Variants in MRPL1 observed in about 807,000 individuals in gnomAD.
MRPL1 encodes mitochondrial ribosomal protein L1.
Under a neutral mutation model 38.0 loss-of-function variants are expected in MRPL1, and 28 were observed. That is an observed-to-expected ratio of 0.74 (90% CI 0.55 to 1.01). The LOEUF (loss-of-function observed/expected upper bound fraction) is 1.01. Ranked by LOEUF, MRPL1 falls within the 50% of genes least tolerant of loss-of-function variation. The pLI is 0.00. For missense variants in MRPL1, 358 were observed against 389.8 expected (o/e 0.92, Z 0.69); for synonymous variants, 123 against 126.7 (o/e 0.97, Z 0.20).
chr4:77,915,868 A>G (rs1736413176), intron 7 of MRPL1, among the ~76,000 whole-genome samples: 2 of 152,328 alleles, frequency 1.3e-5, no homozygotes, highest in South Asian at 4.1e-4. Context: ...AGTTATTGGA[A>G]TATGTTATTT....
intron 3 of MRPL1, among the ~76,000 whole-genome samples, 176 bp downstream of exon 3, chr4:77,883,676 C>T (rs1735604172): frequency 6.6e-6 from 1 of 152,046 alleles, no homozygotes; most frequent in African/African-American, 2.4e-5. Context: ...CTCCCGGGCT[C>T]AGGTGATCCT....
At chr4:77,942,879 T>C (rs1390286249) in intron 7 of MRPL1, among the ~76,000 whole-genome samples, 1 of 152,196 alleles carries the variant, frequency 6.6e-6, no homozygotes, top group African/African-American at 2.4e-5. Flanking sequence ...ACATTCAACA[T>C]TAGTATTGAG....
rs143318705 is a variant in MRPL1, at chr4:77,914,664, G to C, written c.777+5292G>C. ...GCAATTTAATGAGGTTTCCTTGAGTGAAATTATTCTTATTATGCAGTTGAA... is the reference window on the plus strand; with the variant it reads ...GCAATTTAATGAGGTTTCCTTGAGTCAAATTATTCTTATTATGCAGTTGAA... On this transcript the variant is annotated intron_variant, in intron 7 of 8. Coordinates refer to ENST00000315567, the MANE Select transcript of MRPL1 (RefSeq NM_020236.4). Among the ~76,000 whole-genome samples, 3 of 152,104 alleles carry C rather than the reference G, an allele frequency of 2.0e-5. No individual in the cohort carries two copies. The East Asian group carries it at 5.8e-4, about 29-fold the overall frequency.
At position 77,914,687 on chromosome 4, in the gene MRPL1, G is replaced by A. The variant is rs57884219; in HGVS notation, c.777+5315G>A. Among the ~76,000 whole-genome samples, 1,042 of 150,826 alleles carry A rather than the reference G, an allele frequency of 6.9e-3. 16 individuals are homozygous for A. Among genetic ancestry groups the A allele is most frequent in the African/African-American group, 0.024 (991 of 40,794 alleles). On this transcript the variant is annotated intron_variant, in intron 7 of 8. Transcript: ENST00000315567. Reference sequence around the variant, plus strand: ...GTGAAATTATTCTTATTATGCAGTTGAAAATATTGAAGATGTGGTATTTGT... The same window carrying A: ...GTGAAATTATTCTTATTATGCAGTTAAAAATATTGAAGATGTGGTATTTGT...
rs1420894476 is a variant in MRPL1, at chr4:77,887,306, T to G, written c.558+15T>G. On this transcript the variant is annotated intron_variant, in intron 5 of 8. Transcript: ENST00000315567. ...TGATACAGAAGGTACAGTGTTGTTT[T>G]CATGTTCATTAAGTATAGAGATGAT... 6.3e-7 allele frequency: 1 copy of G among 1,592,600 alleles called. No homozygotes were observed. The highest frequency in any genetic ancestry group is 1.1e-5 in the South Asian group (1 of 90,718).
intron 4 of MRPL1, among the ~76,000 whole-genome samples, chr4:77,886,876 T>A (rs1191261696): frequency 2.2e-5 from 3 of 138,138 alleles, no homozygotes; most frequent in Admixed American, 8.0e-5. Context: ...TACTGCATCC[T>A]CCCCCTCCTG....
intron 7 of MRPL1, among the ~76,000 whole-genome samples, chr4:77,947,225 G>T (rs867041982): frequency 1.3e-5 from 2 of 152,112 alleles, no homozygotes; most frequent in African/African-American, 4.8e-5. Context: ...AATGGTTTCC[G>T]ACATAGTAAG....
intron 5 of MRPL1, among the ~76,000 whole-genome samples, chr4:77,889,590 A>G (rs912887023): frequency 6.6e-6 from 1 of 152,208 alleles, no homozygotes; most frequent in African/African-American, 2.4e-5. Flanking sequence ...GCAAGAGCAA[A>G]CTAATTCAAA....
At chr4:77,915,020 A>C (rs189965319) in intron 7 of MRPL1, among the ~76,000 whole-genome samples, 13 of 152,282 alleles carry the variant, frequency 8.5e-5, no homozygotes, top group African/African-American at 3.1e-4. Context: ...ATAATTCACT[A>C]TCTGGCTCTT....
chr4:77,930,625 A>G (rs766744468), intron 7 of MRPL1, among the ~76,000 whole-genome samples: 13 of 152,228 alleles, frequency 8.5e-5, no homozygotes, highest in Non-Finnish European at 1.5e-4. Context: ...CAATTGCTGC[A>G]GTCTCATATC....
intron 7 of MRPL1, among the ~76,000 whole-genome samples, chr4:77,919,119 C>G (rs1352384256): frequency 6.6e-6 from 1 of 152,198 alleles, no homozygotes; most frequent in Non-Finnish European, 1.5e-5. Flanking sequence ...TGTCCAAATA[C>G]TGTAGCATTA....
chr4:77,917,489 T>C (rs1217428371), intron 7 of MRPL1, among the ~76,000 whole-genome samples: 3 of 152,188 alleles, frequency 2.0e-5, no homozygotes, highest in African/African-American at 7.2e-5. Flanking sequence ...TAAAAAATTA[T>C]CCTTATTTTT....
chr4:77,889,081 A>G (rs527798944), intron 5 of MRPL1, among the ~76,000 whole-genome samples: 2 of 152,306 alleles, frequency 1.3e-5, no homozygotes, highest in East Asian at 1.9e-4. Flanking sequence ...ACGAGACAGA[A>G]AGTTAACAAG....
intron 2 of MRPL1, among the ~76,000 whole-genome samples, chr4:77,880,833 T>C (rs1735521057): frequency 6.6e-6 from 1 of 152,182 alleles, no homozygotes; most frequent in South Asian, 2.1e-4. Flanking sequence ...CACATATCTA[T>C]GGGTCAGCTG....
chr4:77,893,756 AC>A (rs973873271), intron 5 of MRPL1, among the ~76,000 whole-genome samples: 2 of 152,192 alleles, frequency 1.3e-5, no homozygotes, highest in African/African-American at 4.8e-5. Context: ...TATTAATTTT[AC>A]ATGTGATCTG....
chr4:77,887,902 G>A (rs1410888458), intron 5 of MRPL1, among the ~76,000 whole-genome samples: 4 of 152,046 alleles, frequency 2.6e-5, no homozygotes, highest in Non-Finnish European at 5.9e-5. Flanking sequence ...TTTTGTCTGA[G>A]AGTTTTGTGG....
intron 5 of MRPL1, among the ~76,000 whole-genome samples, chr4:77,891,295 A>G (rs1404302796): frequency 1.3e-5 from 2 of 151,038 alleles, no homozygotes; most frequent in African/African-American, 2.4e-5. Flanking sequence ...TCTTGCAACC[A>G]CTAAAGTTAC....
chr4:77,870,204 A>G (rs1354842884), intron 1 of MRPL1, among the ~76,000 whole-genome samples: 1 of 152,166 alleles, frequency 6.6e-6, no homozygotes, highest in East Asian at 1.9e-4. Flanking sequence ...TTGATTTTTT[A>G]AAATAGCAGA....
intron 7 of MRPL1, among the ~76,000 whole-genome samples, chr4:77,917,759 G>A (rs2110252116): frequency 6.6e-6 from 1 of 152,150 alleles, no homozygotes; most frequent in Non-Finnish European, 1.5e-5. Flanking sequence ...TATAATAATA[G>A]AAATGTGTAT....
Sources: gnomAD v4.1 joint callset for allele counts (sites outside exome capture counted in the v4.1 genomes callset) on GRCh38, gnomAD v4.1.1 for gene constraint, MANE v1.5 for transcripts, NCBI Gene and HGNC (gene_info 2026-07-23, HGNC 2026-07-21) for gene names.